LRRTM3: variants seen among roughly 807,000 people sequenced by gnomAD.
LRRTM3 encodes leucine-rich repeat transmembrane neuronal protein 3.
LRRTM3 carries 24 observed loss-of-function variants against 44.7 expected under a neutral mutation model. The observed-to-expected ratio is 0.54, with a 90% CI of 0.39 to 0.76. The LOEUF (loss-of-function observed/expected upper bound fraction) is 0.76, where lower values mean the gene tolerates loss of function less well. LRRTM3 is among the 30% of genes least tolerant of loss of function. The probability of loss-of-function intolerance (pLI) is 0.00; values close to 1 mark genes in which losing one functional copy is unlikely to be tolerated. For missense variants in LRRTM3, 587 were observed against 702.2 expected (o/e 0.84, Z 1.85); for synonymous variants, 277 against 278.7 (o/e 0.99, Z 0.06).
intron 2 of LRRTM3, among the ~76,000 whole-genome samples, chr10:66,936,657 C>T (rs951506267): frequency 2.6e-5 from 4 of 152,098 alleles, no homozygotes; most frequent in Non-Finnish European, 1.5e-5. Flanking sequence ...AACTCTACAG[C>T]GCAATCTAGT....
chr10:67,034,522 T>A (rs2133121585), intron 2 of LRRTM3, among the ~76,000 whole-genome samples: 1 of 152,324 alleles, frequency 6.6e-6, no homozygotes, highest in Non-Finnish European at 1.5e-5. Context: ...GGTATTGTCA[T>A]CATTTCAATC....
intron 2 of LRRTM3, among the ~76,000 whole-genome samples, chr10:67,038,096 T>C (rs1854175565): frequency 1.3e-5 from 2 of 152,152 alleles, no homozygotes; most frequent in African/African-American, 4.8e-5. Context: ...TTATTTCGAT[T>C]TAATAGTACT....
At chr10:66,990,111 AC>A (rs1564816185) in intron 2 of LRRTM3, among the ~76,000 whole-genome samples, 1 of 152,152 alleles carries the variant, frequency 6.6e-6, no homozygotes, top group Non-Finnish European at 1.5e-5. Flanking sequence ...AAGAGTTTAT[AC>A]TCAAGCTTGT....
intron 2 of LRRTM3, among the ~76,000 whole-genome samples, chr10:67,038,668 C>T (rs1185552072): frequency 6.6e-6 from 1 of 152,008 alleles, no homozygotes; most frequent in African/African-American, 2.4e-5. Flanking sequence ...GAATTGCTTA[C>T]AAAATTTTCC....
intron 2 of LRRTM3, among the ~76,000 whole-genome samples, chr10:67,014,426 A>G (rs1403322984): frequency 2.0e-5 from 3 of 152,184 alleles, no homozygotes; most frequent in East Asian, 3.8e-4. Context: ...CTTAAGAAAT[A>G]TCTTTATCTG....
chr10:66,967,363 T>G (rs968561262), intron 2 of LRRTM3, among the ~76,000 whole-genome samples: 39 of 151,688 alleles, frequency 2.6e-4, no homozygotes, highest in Admixed American at 2.2e-3. Context: ...TAGATAGATA[T>G]ATGTAGATAT....
chr10:66,938,537 C>T (rs920384978), intron 2 of LRRTM3, among the ~76,000 whole-genome samples: 2 of 152,076 alleles, frequency 1.3e-5, no homozygotes, highest in Non-Finnish European at 2.9e-5. Flanking sequence ...TTCTTGGCAT[C>T]TTCATGTTGA....
chr10:67,056,448 T>G (rs923984789), intron 2 of LRRTM3, among the ~76,000 whole-genome samples: 1 of 152,160 alleles, frequency 6.6e-6, no homozygotes, highest in Admixed American at 6.6e-5. Flanking sequence ...TGCATTATTT[T>G]TCTTCATGAG....
At chr10:66,928,945 AGCCTTTAAACCAAT>A (rs1272351566) in intron 2 of LRRTM3, among the ~76,000 whole-genome samples, 1 of 152,192 alleles carries the variant, frequency 6.6e-6, no homozygotes. Context: ...AGACAGGCAG[AGCCTTTAAACCAAT>A]GCCTGACTTA....
chr10:67,032,039 C>T (rs1853757502), intron 2 of LRRTM3, among the ~76,000 whole-genome samples: 1 of 152,104 alleles, frequency 6.6e-6, no homozygotes, highest in Non-Finnish European at 1.5e-5. Flanking sequence ...ATTTGTCTGC[C>T]TTCTTTTCCA....
intron 2 of LRRTM3, among the ~76,000 whole-genome samples, chr10:66,997,763 GA>G (rs1213255570): frequency 6.6e-6 from 1 of 152,076 alleles, no homozygotes; most frequent in African/African-American, 2.4e-5. Flanking sequence ...CCAGGCAGAG[GA>G]AGTCCTCAAA....
intron 2 of LRRTM3, among the ~76,000 whole-genome samples, chr10:67,042,075 A>G (rs1418128667): frequency 6.6e-6 from 1 of 152,200 alleles, no homozygotes; most frequent in Non-Finnish European, 1.5e-5. Flanking sequence ...CCTATGTGGT[A>G]AATTCAGAAT....
At chr10:67,045,262 G>A (rs1854654227) in intron 2 of LRRTM3, among the ~76,000 whole-genome samples, 1 of 152,096 alleles carries the variant, frequency 6.6e-6, no homozygotes, top group Non-Finnish European at 1.5e-5. Flanking sequence ...TGTGACAGTA[G>A]AGTATAAACA....
At chr10:66,958,876 C>T (rs1004186619) in intron 2 of LRRTM3, among the ~76,000 whole-genome samples, 15 of 152,070 alleles carry the variant, frequency 9.9e-5, no homozygotes, top group African/African-American at 2.7e-4. Flanking sequence ...TTTCAAGATA[C>T]GTGATAAATG....
Position 66,927,189 on chromosome 10 carries a change from C to T in LRRTM3, c.273C>T (p.Tyr91=). ...GGCTCAACCAGCTCACCTGGCTATA[C>T]CTTGACCATAACCATATCAGCAATA... The part of the protein sequence containing the change: ...FKGLNQLTWL[Y]LDHNHISNID... Residue 91 remains tyrosine, a synonymous_variant, in exon 2 of 3, where the codon TAC becomes TAT. Transcript: ENST00000361320. This position sits in a 1 kb window ranked among gnomAD's most constrained non-coding sequence, Gnocchi z 4.7. The T allele has an allele frequency of 1.2e-6, 2 of 1,614,188 alleles. No homozygotes were observed. Among genetic ancestry groups the T allele is most frequent in the Non-Finnish European group, 1.7e-6 (2 of 1,180,038 alleles).
intron 2 of LRRTM3, among the ~76,000 whole-genome samples, chr10:66,946,205 A>T (rs1363838130): frequency 6.6e-6 from 1 of 152,148 alleles, no homozygotes; most frequent in Non-Finnish European, 1.5e-5. Context: ...ACTCTGTTGG[A>T]TAATTAATTC....
intron 2 of LRRTM3, among the ~76,000 whole-genome samples, chr10:67,095,707 C>T (rs575167062): frequency 1.8e-4 from 28 of 151,784 alleles, no homozygotes; most frequent in Middle Eastern, 3.4e-3. Context: ...GTTTCCATGA[C>T]GAATAAGGAC....
At chr10:67,017,725 C>CTGTGTGTGTGTG (rs10586644) in intron 2 of LRRTM3, among the ~76,000 whole-genome samples, 2 of 147,892 alleles carry the variant, frequency 1.4e-5, no homozygotes, top group Non-Finnish European at 3.0e-5. Flanking sequence ...CAAAAATCAT[C>CTGTGTGTGTGTG]TGTGTGTGTG....
At chr10:67,076,261 A>T (rs1213921767) in intron 2 of LRRTM3, among the ~76,000 whole-genome samples, 1 of 152,242 alleles carries the variant, frequency 6.6e-6, no homozygotes, top group Non-Finnish European at 1.5e-5. Flanking sequence ...ATTAATGCTA[A>T]CTTTTCACTG....
Sources: gnomAD v4.1 joint callset for allele counts (sites outside exome capture counted in the v4.1 genomes callset) on GRCh38, gnomAD v4.1.1 for gene constraint, Gnocchi (gnomAD v3.1) non-coding constraint, MANE v1.5 for transcripts, NCBI Gene and HGNC (gene_info 2026-07-23, HGNC 2026-07-21) for gene names.